The following PIGU variants were observed in gnomAD, a reference collection of about 807,000 sequenced individuals.
PIGU encodes GPI-anchor transamidase component PIGU.
PIGU carries 24 observed loss-of-function variants against 49.9 expected under a neutral mutation model. That is an observed-to-expected ratio of 0.48 (90% CI 0.35 to 0.68). The LOEUF (loss-of-function observed/expected upper bound fraction) is 0.68. Among genes scored for constraint, PIGU ranks in the 30% least tolerant of loss-of-function variants. The pLI, the probability that PIGU is intolerant of heterozygous loss-of-function variation, is 0.01. For missense variants in PIGU, 490 were observed against 532.6 expected (o/e 0.92, Z 0.79); for synonymous variants, 220 against 205.7 (o/e 1.07, Z -0.59).
At chr20:34,581,070 T>C (rs1983441771) in intron 10 of PIGU, among the ~76,000 whole-genome samples, 1 of 152,184 alleles carries the variant, frequency 6.6e-6, no homozygotes. Flanking sequence ...GGCACACAAG[T>C]GGCTAGTTAC....
chr20:34,661,220 T>G (rs1234160367), intron 1 of PIGU, among the ~76,000 whole-genome samples: 2 of 152,118 alleles, frequency 1.3e-5, no homozygotes, highest in Non-Finnish European at 2.9e-5. Context: ...CTTTGCAAAT[T>G]TTCTGGGGGT....
At chr20:34,566,532 A>C (rs1568618278) in intron 11 of PIGU, among the ~76,000 whole-genome samples, 2 of 152,192 alleles carry the variant, frequency 1.3e-5, no homozygotes, top group African/African-American at 4.8e-5. Context: ...CCCTCAGAAC[A>C]TGCTCTAGTG....
intron 11 of PIGU, among the ~76,000 whole-genome samples, chr20:34,564,016 A>G (rs959558806): frequency 5.9e-5 from 9 of 152,224 alleles, no homozygotes; most frequent in African/African-American, 2.2e-4. Flanking sequence ...GTGACATTCT[A>G]CAAGATACCT....
At chr20:34,583,272 A>G (rs1480551068) in intron 9 of PIGU, among the ~76,000 whole-genome samples, 2 of 152,236 alleles carry the variant, frequency 1.3e-5, no homozygotes, top group East Asian at 1.9e-4. Context: ...CAGGCTTTTC[A>G]GGTAGCTGGT....
intron 7 of PIGU, among the ~76,000 whole-genome samples, chr20:34,614,746 T>C (rs890539280): frequency 6.6e-6 from 1 of 152,052 alleles, no homozygotes; most frequent in African/African-American, 2.4e-5. Context: ...AAGCAAACCA[T>C]GAATCATTGT....
At chr20:34,602,245 G>A (rs1298238850) in intron 7 of PIGU, among the ~76,000 whole-genome samples, 1 of 151,742 alleles carries the variant, frequency 6.6e-6, no homozygotes, top group Non-Finnish European at 1.5e-5. Context: ...CTGCGCCAGT[G>A]CACTCCAGCC....
chr20:34,666,941 A>G (rs889854317), intron 1 of PIGU, among the ~76,000 whole-genome samples: 2 of 151,238 alleles, frequency 1.3e-5, no homozygotes, highest in Non-Finnish European at 1.5e-5. Context: ...CTCGTGATCC[A>G]CCCGCCTCGG....
At chr20:34,585,768 A>C (rs1377978108) in intron 8 of PIGU, among the ~76,000 whole-genome samples, 188 bp from the exon 9 acceptor site, 1 of 152,208 alleles carries the variant, frequency 6.6e-6, no homozygotes, top group Non-Finnish European at 1.5e-5. Context: ...ATGAGCAGAG[A>C]CATATAATGA....
chr20:34,566,543 C>G (rs1424792784), intron 11 of PIGU, among the ~76,000 whole-genome samples: 2 of 152,182 alleles, frequency 1.3e-5, no homozygotes, highest in African/African-American at 4.8e-5. Flanking sequence ...TGCTCTAGTG[C>G]AGGGCAGGAT....
intron 10 of PIGU, among the ~76,000 whole-genome samples, chr20:34,577,757 A>C (rs954192876): frequency 5.9e-5 from 9 of 152,226 alleles, no homozygotes; most frequent in African/African-American, 2.2e-4. Flanking sequence ...AAATGAAATC[A>C]CACGGAGAGC....
chr20:34,590,095 CAA>C (rs1211608278), intron 7 of PIGU, among the ~76,000 whole-genome samples: 5 of 127,758 alleles, frequency 3.9e-5, no homozygotes, highest in Non-Finnish European at 3.4e-5. Context: ...ATGTTTTCCT[CAA>C]AAAAAAAAAA....
At chr20:34,597,312 A>C (rs1228745305) in intron 7 of PIGU, among the ~76,000 whole-genome samples, 4 of 152,254 alleles carry the variant, frequency 2.6e-5, no homozygotes, top group Admixed American at 2.6e-4. Context: ...AAAAAAGAAT[A>C]CATGCAATAA....
At chr20:34,672,327 G>T (rs1028014394) in intron 1 of PIGU, among the ~76,000 whole-genome samples, 2 of 152,186 alleles carry the variant, frequency 1.3e-5, no homozygotes, top group African/African-American at 4.8e-5. Flanking sequence ...TTTTCCTGTT[G>T]AAATGGATAT....
At chr20:34,604,254 C>T (rs925072491) in intron 7 of PIGU, among the ~76,000 whole-genome samples, 2 of 151,986 alleles carry the variant, frequency 1.3e-5, no homozygotes, top group Admixed American at 1.3e-4. Context: ...TCAGAAAAAC[C>T]CCAGCTACAT....
intron 11 of PIGU, among the ~76,000 whole-genome samples, chr20:34,573,295 T>C (rs1983089377): frequency 6.6e-6 from 1 of 152,178 alleles, no homozygotes; most frequent in Non-Finnish European, 1.5e-5. Flanking sequence ...CTGGTTTCTC[T>C]CAGCTATGAA....
chr20:34,609,721 C>T (rs538527101), intron 7 of PIGU, among the ~76,000 whole-genome samples: 7 of 152,218 alleles, frequency 4.6e-5, no homozygotes, highest in Admixed American at 4.6e-4. Context: ...CACTGATCTT[C>T]AAATACCCTA....
chr20:34,562,500 C>T (rs974834104), intron 11 of PIGU: 68 of 1,289,288 alleles, frequency 5.3e-5, no homozygotes, highest in Non-Finnish European at 6.4e-5. Flanking sequence ...AGGAAGGTGT[C>T]CTGTCACCAG....
At chr20:34,672,391 A>G (rs576645987) in intron 1 of PIGU, among the ~76,000 whole-genome samples, 16 of 152,238 alleles carry the variant, frequency 1.1e-4, no homozygotes, top group African/African-American at 3.9e-4. Flanking sequence ...ACAGCACCCT[A>G]ATTTTTCCTA....
rs765696717 is a variant in PIGU, at chr20:34,588,420, C to A, written c.782+33G>T. Reference sequence around the variant, plus strand: ...TACAAGGGTTCCCTTTTCCCCACAGCTTCTAGAATTTTCTAACGTGGTCAT... The same window carrying A: ...TACAAGGGTTCCCTTTTCCCCACAGATTCTAGAATTTTCTAACGTGGTCAT... On this transcript the variant is annotated intron_variant, in intron 8 of 11. Transcript: ENST00000217446. The A allele has an allele frequency of 1.6e-5, 26 of 1,591,794 alleles. No individual in the cohort carries two copies. In the Admixed American group the frequency reaches 4.0e-4, roughly 24 times the overall value.
Sources: allele counts gnomAD v4.1 joint callset (sites outside exome capture counted in the v4.1 genomes callset), GRCh38; gene constraint gnomAD v4.1.1; transcripts MANE v1.5; gene names NCBI Gene and HGNC (gene_info 2026-07-23, HGNC 2026-07-21).